The following TP53BP2 variants were observed in gnomAD, a reference collection of about 807,000 sequenced individuals.
TP53BP2 encodes the protein apoptosis-stimulating of p53 protein 2.
Under a neutral mutation model 126.2 loss-of-function variants are expected in TP53BP2, and 62 were observed. The observed-to-expected ratio is 0.49, with a 90% confidence interval of 0.40 to 0.61. The LOEUF (loss-of-function observed/expected upper bound fraction) is 0.61, where lower values mean the gene tolerates loss of function less well. Ranked by LOEUF, TP53BP2 falls within the 20% of genes least tolerant of loss-of-function variation. The probability of loss-of-function intolerance (pLI) is 0.00; values close to 1 mark genes in which losing one functional copy is unlikely to be tolerated. For synonymous variants in TP53BP2, 485 were observed against 502.9 expected (o/e 0.96, Z 0.48); for missense variants, 1,215 against 1,402.8 (o/e 0.87, Z 2.14).
In TP53BP2 at chr1:223,796,143, T is replaced by A; in HGVS notation, c.2396A>T (p.His799Leu). 1 of 1,614,192 alleles carries A rather than the reference T, an allele frequency of 6.2e-7. No individual in the cohort carries two copies. The highest frequency in any genetic ancestry group is 2.2e-5 in the East Asian group (1 of 44,888). Residue 799 changes from histidine (H) to leucine (L), a missense_variant, in exon 13 of 18, where the codon CAT (histidine) becomes CTT (leucine). By Grantham distance (99) the His-to-Leu change is moderately conservative. This residue lies in a region of TP53BP2 where 204 missense variants were observed against 225.7 expected (regional missense o/e 0.90). Coordinates refer to ENST00000343537, the MANE Select transcript of TP53BP2 (RefSeq NM_001031685.3). The surrounding 1 kb of genome is among the most constrained non-coding windows in gnomAD (Gnocchi z 4.2). ...SPVEIQNPYL[H>L]VEPEKEVVSL... is the part of the protein sequence containing the mutation. ...GACCACCTCCTTTTCGGGCTCCACATGTAAATATGGATTCTGGATTTCTAC... is the reference window on the plus strand; with the variant it reads ...GACCACCTCCTTTTCGGGCTCCACAAGTAAATATGGATTCTGGATTTCTAC...
intron 16 of TP53BP2, among the ~76,000 whole-genome samples, chr1:223,785,752 T>C (rs903126511): frequency 7.9e-5 from 12 of 152,236 alleles, no homozygotes; most frequent in African/African-American, 2.9e-4. Flanking sequence ...TTAAGAGTTG[T>C]AGATTACTTT....
intron 1 of TP53BP2, among the ~76,000 whole-genome samples, chr1:223,844,795 G>GT (rs1403804756): frequency 6.6e-6 from 1 of 152,108 alleles, no homozygotes; most frequent in Non-Finnish European, 1.5e-5. Context: ...AAAGCTTTTT[G>GT]TTTCTTTGTC....
At chr1:223,806,789 A>C in intron 5 of TP53BP2, 57 bp downstream of exon 5, 1 of 1,402,532 alleles carries the variant, frequency 7.1e-7, no homozygotes, top group Non-Finnish European at 1.0e-6. Context: ...GTGCCACTGC[A>C]CTCCAGCCTA....
At chr1:223,791,361 TAC>T (rs1006736706) in intron 15 of TP53BP2, among the ~76,000 whole-genome samples, 5 of 152,204 alleles carry the variant, frequency 3.3e-5, no homozygotes, top group African/African-American at 1.2e-4. Context: ...ACTGTGGGGA[TAC>T]AGATGGCTTG....
chr1:223,834,183 G>T (rs1166890683), intron 1 of TP53BP2, among the ~76,000 whole-genome samples: 4 of 152,174 alleles, frequency 2.6e-5, no homozygotes, highest in Non-Finnish European at 5.9e-5. Flanking sequence ...TAAGGAGTAC[G>T]GACTTTATTG....
chr1:223,820,497 A>G (rs1453078999), intron 2 of TP53BP2, among the ~76,000 whole-genome samples: 1 of 152,240 alleles, frequency 6.6e-6, no homozygotes, highest in Admixed American at 6.5e-5. Context: ...ATCCAACTGT[A>G]GAAAAGTTAA....
At chr1:223,832,675 A>T (rs1028525180) in intron 1 of TP53BP2, among the ~76,000 whole-genome samples, 1 of 152,210 alleles carries the variant, frequency 6.6e-6, no homozygotes, top group African/African-American at 2.4e-5. Flanking sequence ...GGGTTTAGGA[A>T]GGAGATGCCG....
At chr1:223,833,715 C>T (rs1258039001) in intron 1 of TP53BP2, among the ~76,000 whole-genome samples, 1 of 152,154 alleles carries the variant, frequency 6.6e-6, no homozygotes, top group Non-Finnish European at 1.5e-5. Context: ...TCTATGCCTT[C>T]CCCTCAATCC....
chr1:223,810,546 A>G, intron 3 of TP53BP2, 33 bp from the exon 4 acceptor site: 1 of 1,379,874 alleles, frequency 7.2e-7, no homozygotes, highest in East Asian at 2.4e-5. Flanking sequence ...ATGCATTAAC[A>G]CTAGAGTTGA....
At chr1:223,784,028 G>T in intron 17 of TP53BP2, 87 bp downstream of exon 17, 2 of 1,136,812 alleles carry the variant, frequency 1.8e-6, no homozygotes, top group Non-Finnish European at 2.7e-6. Flanking sequence ...AGGGCAGTTT[G>T]GTGCACTGTA....
At chr1:223,809,263 A>C (rs1200927835) in intron 4 of TP53BP2, among the ~76,000 whole-genome samples, 2 of 152,116 alleles carry the variant, frequency 1.3e-5, no homozygotes, top group Non-Finnish European at 2.9e-5. Context: ...TCATTGTAAG[A>C]TAATTATTAA....
intron 16 of TP53BP2, 107 bp downstream of exon 16, chr1:223,788,901 G>T: frequency 8.3e-7 from 1 of 1,202,294 alleles, no homozygotes; most frequent in Non-Finnish European, 1.2e-6. Context: ...CAAGACTATG[G>T]ATAACACAAG....
intron 16 of TP53BP2, among the ~76,000 whole-genome samples, chr1:223,786,285 G>T (rs776696376): frequency 2.6e-5 from 4 of 152,106 alleles, no homozygotes; most frequent in Admixed American, 2.6e-4. Flanking sequence ...CACTACAGAC[G>T]TGAGAAGGGG....
chr1:223,836,746 C>G (rs139317058), intron 1 of TP53BP2, among the ~76,000 whole-genome samples: 1 of 151,954 alleles, frequency 6.6e-6, no homozygotes, highest in East Asian at 1.9e-4. Context: ...AGGGGTGAGG[C>G]CAAACAGGTG....
chr1:223,808,869 C>G (rs926883812), intron 4 of TP53BP2, among the ~76,000 whole-genome samples: 2 of 151,612 alleles, frequency 1.3e-5, no homozygotes, highest in Non-Finnish European at 2.9e-5. Flanking sequence ...AAAAGATGTC[C>G]AAAATCATTA....
intron 1 of TP53BP2, chr1:223,826,174 A>T (rs569473584): frequency 6.6e-6 from 1 of 152,298 alleles, no homozygotes; most frequent in African/African-American, 2.4e-5. Context: ...GCACAAGAGG[A>T]AGGTCACTGC....
chr1:223,792,552 C>T, intron 14 of TP53BP2, 30 bp from the exon 15 acceptor site: 1 of 1,610,374 alleles, frequency 6.2e-7, no homozygotes, highest in Non-Finnish European at 8.5e-7. Flanking sequence ...GAGCATCACT[C>T]TAGTTTCTTG....
In TP53BP2 at chr1:223,796,679, C is replaced by G; in HGVS notation, c.1949-89G>C. ...AGAAACAGCTAACAATAACTAAAGCCTCTTTTAATTTCATAGTTGTTACTA... is the reference window on the plus strand; with the variant it reads ...AGAAACAGCTAACAATAACTAAAGCGTCTTTTAATTTCATAGTTGTTACTA... On this transcript the variant is annotated intron_variant, in intron 12 of 17. Coordinates refer to ENST00000343537, the MANE Select transcript of TP53BP2 (RefSeq NM_001031685.3). This position sits in a 1 kb window ranked among gnomAD's most constrained non-coding sequence, Gnocchi z 4.2. 1 of 1,259,914 alleles carries G rather than the reference C, an allele frequency of 7.9e-7. No individual in the cohort carries two copies. The highest frequency in any genetic ancestry group is 1.1e-6 in the Non-Finnish European group (1 of 922,340). 78.0% of individuals were successfully genotyped at this position (1,259,914 alleles called of 1,614,324 possible). A position where few individuals can be genotyped will look rare whatever the true frequency, so the allele number is the denominator to read the frequency against.
At chr1:223,829,203 G>A (rs894118305) in intron 1 of TP53BP2, among the ~76,000 whole-genome samples, 8 of 152,068 alleles carry the variant, frequency 5.3e-5, no homozygotes, top group Non-Finnish European at 8.8e-5. Flanking sequence ...GCATGGTAGC[G>A]TATACCTATA....
Sources: allele counts gnomAD v4.1 joint callset (sites outside exome capture counted in the v4.1 genomes callset), GRCh38; gene constraint gnomAD v4.1.1; regional missense constraint gnomAD v4.1.1; non-coding constraint Gnocchi (gnomAD v3.1); transcripts MANE v1.5; gene names NCBI Gene and HGNC (gene_info 2026-07-23, HGNC 2026-07-21).